INPP4B: variants seen among roughly 807,000 people sequenced by gnomAD.
The protein encoded by INPP4B is inositol polyphosphate-4-phosphatase type II B.
INPP4B carries 55 observed loss-of-function variants against 122.5 expected under a neutral mutation model. The observed-to-expected ratio is 0.45, with a 90% CI of 0.36 to 0.56. INPP4B has a LOEUF of 0.56. Ranked by LOEUF, INPP4B falls within the 20% of genes least tolerant of loss-of-function variation. The pLI, the probability that INPP4B is intolerant of heterozygous loss-of-function variation, is 0.00. For missense variants in INPP4B, 1,000 were observed against 1,097.7 expected (o/e 0.91, Z 1.26); for synonymous variants, 403 against 388.7 (o/e 1.04, Z -0.43).
chr4:142,540,323 T>G (rs939174995), intron 2 of INPP4B, among the ~76,000 whole-genome samples: 1 of 150,150 alleles, frequency 6.7e-6, no homozygotes, highest in Non-Finnish European at 1.5e-5. Context: ...AAGGAGGAAG[T>G]TTTTTGGGGT....
intron 1 of INPP4B, among the ~76,000 whole-genome samples, chr4:142,839,194 A>G (rs1783169486): frequency 6.6e-6 from 1 of 152,234 alleles, no homozygotes; most frequent in South Asian, 2.1e-4. Context: ...TGGTAGGCTC[A>G]TGCCTGTAGT....
At chr4:142,047,729 T>C (rs1752329788) in intron 25 of INPP4B, among the ~76,000 whole-genome samples, 1 of 152,072 alleles carries the variant, frequency 6.6e-6, no homozygotes, top group South Asian at 2.1e-4. Flanking sequence ...GAGACATTCC[T>C]GTGCAGAAAT....
intron 12 of INPP4B, among the ~76,000 whole-genome samples, chr4:142,226,383 C>T (rs1851595648): frequency 6.6e-6 from 1 of 152,150 alleles, no homozygotes. Flanking sequence ...GTCAATTATG[C>T]TAGATCAAAG....
intron 5 of INPP4B, chr4:142,427,570 C>A: frequency 2.0e-6 from 1 of 495,568 alleles, no homozygotes; most frequent in South Asian, 3.4e-5. Context: ...GATAGATTCT[C>A]TTAATTGCAC....
At chr4:142,094,292 G>T (rs79313921) in intron 23 of INPP4B, among the ~76,000 whole-genome samples, 1 of 152,114 alleles carries the variant, frequency 6.6e-6, no homozygotes, top group Admixed American at 6.5e-5. Context: ...TAAACTGGGT[G>T]AACAACTACT....
chr4:142,221,389 CAAAAAAAAA>C (rs570703001), intron 12 of INPP4B, among the ~76,000 whole-genome samples: 1 of 28,554 alleles, frequency 3.5e-5, no homozygotes. Context: ...GACTCCTTCT[CAAAAAAAAA>C]AAAAAAAAAA....
intron 2 of INPP4B, among the ~76,000 whole-genome samples, chr4:142,509,533 C>CA: frequency 6.6e-6 from 1 of 152,266 alleles, no homozygotes; most frequent in South Asian, 2.1e-4. Flanking sequence ...CAGCTTCATC[C>CA]ATGTCCCTGC....
At chr4:142,483,584 G>T (rs2149748630) in intron 2 of INPP4B, among the ~76,000 whole-genome samples, 1 of 152,092 alleles carries the variant, frequency 6.6e-6, no homozygotes, top group Admixed American at 6.6e-5. Flanking sequence ...ACATATTTTA[G>T]ATCAAACTGG....
chr4:142,797,252 T>C (rs76510532), intron 1 of INPP4B, among the ~76,000 whole-genome samples: 4,603 of 152,104 alleles, frequency 0.03, 86 homozygotes, highest in Non-Finnish European at 0.041. Context: ...AGTAAGTGAC[T>C]GAGCCAAAAT....
intron 2 of INPP4B, among the ~76,000 whole-genome samples, chr4:142,656,494 C>A (rs1256446552): frequency 2.0e-5 from 3 of 152,096 alleles, no homozygotes; most frequent in Non-Finnish European, 4.4e-5. Flanking sequence ...TTTTCATGGC[C>A]TTTTCCTTCC....
chr4:142,522,956 T>C (rs7691439), intron 2 of INPP4B, among the ~76,000 whole-genome samples: 13,384 of 152,176 alleles, frequency 0.088, 858 homozygotes, highest in African/African-American at 0.18. Context: ...TTGTTGCTAG[T>C]AGCAGTCATG....
intron 2 of INPP4B, among the ~76,000 whole-genome samples, chr4:142,483,616 A>C (rs1820854995): frequency 1.3e-5 from 2 of 152,078 alleles, no homozygotes; most frequent in Admixed American, 1.3e-4. Flanking sequence ...CTAAGACAGG[A>C]TGAAAGAAAT....
At chr4:142,654,361 AAAGTAT>A (rs1753687263) in intron 2 of INPP4B, among the ~76,000 whole-genome samples, 2 of 119,710 alleles carry the variant, frequency 1.7e-5, no homozygotes, top group African/African-American at 6.3e-5. Flanking sequence ...CCTAGAACTT[AAAGTAT>A]AAAAAAAAAA....
chr4:142,178,777 G>GA (rs903431265), intron 15 of INPP4B, among the ~76,000 whole-genome samples: 8 of 131,658 alleles, frequency 6.1e-5, no homozygotes, highest in East Asian at 4.6e-4. Context: ...AGTGTCCAGA[G>GA]AAAAAAAAAT....
intron 12 of INPP4B, among the ~76,000 whole-genome samples, chr4:142,221,659 C>G (rs1279698351): frequency 6.6e-6 from 1 of 151,796 alleles, no homozygotes; most frequent in African/African-American, 2.4e-5. Context: ...GATGCTGCAG[C>G]TATTTACCCC....
chr4:142,747,559 G>T (rs1768946980), intron 1 of INPP4B, among the ~76,000 whole-genome samples: 1 of 152,070 alleles, frequency 6.6e-6, no homozygotes, highest in South Asian at 2.1e-4. Context: ...CTACTATAAA[G>T]ACACATGCAC....
intron 2 of INPP4B, among the ~76,000 whole-genome samples, chr4:142,633,860 A>T (rs1014405251): frequency 6.6e-6 from 1 of 152,114 alleles, no homozygotes; most frequent in African/African-American, 2.4e-5. Flanking sequence ...ATTAAAAGAT[A>T]AAAGGTAGAT....
intron 25 of INPP4B, among the ~76,000 whole-genome samples, chr4:142,069,200 A>G (rs1221476333): frequency 6.6e-6 from 1 of 152,204 alleles, no homozygotes; most frequent in African/African-American, 2.4e-5. Flanking sequence ...GCTCAACTAC[A>G]TGGAAACTGA....
chr4:142,833,131 G>A (rs1307850738), intron 1 of INPP4B, among the ~76,000 whole-genome samples: 3 of 151,686 alleles, frequency 2.0e-5, no homozygotes, highest in African/African-American at 4.8e-5. Flanking sequence ...AAGTGGGTCA[G>A]GTATATGACA....
Sources: gnomAD v4.1 joint callset for allele counts (sites outside exome capture counted in the v4.1 genomes callset) on GRCh38, gnomAD v4.1.1 for gene constraint, MANE v1.5 for transcripts, NCBI Gene and HGNC (gene_info 2026-07-23, HGNC 2026-07-21) for gene names.